The following AFG1L variants were observed in gnomAD, a reference collection of about 807,000 sequenced individuals.
The protein encoded by AFG1L is AFG1-like ATPase.
A neutral mutation model predicts 62.2 loss-of-function variants in AFG1L; 53 were observed. The ratio of observed to expected loss-of-function variants is 0.85; its 90% CI spans 0.68 to 1.07. The LOEUF (loss-of-function observed/expected upper bound fraction) is 1.07. Ranked by LOEUF, AFG1L falls within the 50% of genes least tolerant of loss-of-function variation. AFG1L has a pLI of 0.00. For synonymous variants in AFG1L, 228 were observed against 210.3 expected (o/e 1.08, Z -0.73); for missense variants, 555 against 590.5 (o/e 0.94, Z 0.62).
chr6:108,349,140 T>G (rs1047935242), intron 3 of AFG1L, among the ~76,000 whole-genome samples: 1 of 152,122 alleles, frequency 6.6e-6, no homozygotes, highest in African/African-American at 2.4e-5. Context: ...AAATGGGAAG[T>G]GAGACGAACA....
intron 6 of AFG1L, among the ~76,000 whole-genome samples, chr6:108,391,331 A>G (rs562810408): frequency 1.9e-3 from 295 of 152,180 alleles, no homozygotes; most frequent in African/African-American, 6.8e-3. Context: ...TTCTTGCAGG[A>G]GTAAGGTGGT....
chr6:108,365,156 A>G (rs1779702809), intron 5 of AFG1L, among the ~76,000 whole-genome samples: 1 of 152,198 alleles, frequency 6.6e-6, no homozygotes, highest in African/African-American at 2.4e-5. Context: ...TATCAAAGAA[A>G]GATCAAAACA....
intron 7 of AFG1L, among the ~76,000 whole-genome samples, chr6:108,433,635 C>T: frequency 6.6e-6 from 1 of 151,954 alleles, no homozygotes; most frequent in Non-Finnish European, 1.5e-5. Context: ...CTCTGTTGCC[C>T]AGGCTGGAGT....
At chr6:108,501,436 A>T (rs1177389246) in intron 10 of AFG1L, among the ~76,000 whole-genome samples, 1 of 152,254 alleles carries the variant, frequency 6.6e-6, no homozygotes, top group Non-Finnish European at 1.5e-5. Flanking sequence ...GAAGGAAGCT[A>T]GATGAAATTA....
intron 1 of AFG1L, among the ~76,000 whole-genome samples, chr6:108,298,179 C>G (rs1342175807): frequency 6.6e-6 from 1 of 151,410 alleles, no homozygotes; most frequent in East Asian, 1.9e-4. Context: ...ACATTAATAA[C>G]ATATTGTACC....
rs548796807 is a variant in AFG1L at position 108,401,605 on chromosome 6, A to G, written c.749-391A>G. On this transcript the variant is annotated intron_variant, in intron 6 of 12. Transcript: ENST00000368977. ...AAGTTCTTTACTAAGAATTTTCATT[A>G]TAGATTGAGAAAAGGAGAGAATTTT... Among the ~76,000 whole-genome samples the G allele has an allele frequency of 2.0e-5, 3 of 152,280 alleles. No homozygotes were observed. The East Asian group carries it at 5.8e-4, about 29-fold the overall frequency.
At chr6:108,355,585 A>G in intron 3 of AFG1L, 69 bp from the exon 4 acceptor site, 1 of 754,556 alleles carries the variant, frequency 1.3e-6, no homozygotes, top group Non-Finnish European at 2.1e-6. Flanking sequence ...CTCAAAGCTA[A>G]TGAACAATCA....
At chr6:108,477,502 A>G (rs186786176) in intron 10 of AFG1L, among the ~76,000 whole-genome samples, 333 of 152,346 alleles carry the variant, frequency 2.2e-3, no homozygotes, top group African/African-American at 7.7e-3. Flanking sequence ...CTCTAATGCA[A>G]AATTAGAAAT....
At chr6:108,414,951 T>C (rs1782294040) in intron 7 of AFG1L, among the ~76,000 whole-genome samples, 1 of 152,080 alleles carries the variant, frequency 6.6e-6, no homozygotes, top group Non-Finnish European at 1.5e-5. Flanking sequence ...AAATAAAGGG[T>C]ATTCAATTAG....
chr6:108,365,872 G>A (rs1779737058), intron 5 of AFG1L, among the ~76,000 whole-genome samples: 1 of 151,798 alleles, frequency 6.6e-6, no homozygotes, highest in African/African-American at 2.4e-5. Context: ...TTTTTTGAGG[G>A]GGTGTGGGAA....
At chr6:108,477,015 A>G in intron 9 of AFG1L, 80 bp downstream of exon 9, 1 of 1,268,172 alleles carries the variant, frequency 7.9e-7, no homozygotes, top group Non-Finnish European at 1.2e-6. Flanking sequence ...AATAAGTTCC[A>G]TTGCTGTATA....
chr6:108,437,766 T>C (rs964143398), intron 7 of AFG1L, among the ~76,000 whole-genome samples: 2 of 151,986 alleles, frequency 1.3e-5, no homozygotes, highest in African/African-American at 4.8e-5. Flanking sequence ...TAATTTGAGA[T>C]GGGAGGGAGA....
chr6:108,409,088 C>T (rs1311642771), intron 7 of AFG1L, among the ~76,000 whole-genome samples: 2 of 152,062 alleles, frequency 1.3e-5, no homozygotes, highest in Non-Finnish European at 2.9e-5. Context: ...AAGTATGATG[C>T]AAGGGTACAT....
chr6:108,522,443 A>G lies in AFG1L; in HGVS notation c.*18A>G, dbSNP rs1427323313. The G allele has an allele frequency of 8.7e-6, 14 of 1,602,832 alleles. No individual in the cohort carries two copies. The highest frequency in any genetic ancestry group is 1.2e-5 in the Non-Finnish European group (14 of 1,171,504). On this transcript the variant is annotated 3_prime_UTR_variant, in exon 13 of 13. Coordinates refer to ENST00000368977, the MANE Select transcript of AFG1L (RefSeq NM_145315.5). ...AGAAGTAACTGCCACTTTTGCATAA[A>G]TAAAACTCTAGACAAATGGTTAACG...
chr6:108,354,268 A>T (rs777547331), intron 3 of AFG1L, among the ~76,000 whole-genome samples: 1 of 151,944 alleles, frequency 6.6e-6, no homozygotes, highest in Non-Finnish European at 1.5e-5. Flanking sequence ...GTTCCAGTGG[A>T]TGCCTGAAAC....
chr6:108,395,466 A>G (rs1781254104), intron 6 of AFG1L, among the ~76,000 whole-genome samples: 1 of 136,404 alleles, frequency 7.3e-6, no homozygotes. Flanking sequence ...CAGTGGCACT[A>G]TCATGACTCA....
chr6:108,426,525 C>G (rs1770824220), intron 7 of AFG1L, among the ~76,000 whole-genome samples: 2 of 152,030 alleles, frequency 1.3e-5, no homozygotes. Flanking sequence ...TTCTTTTTCT[C>G]CCTAGGAATG....
chr6:108,308,128 G>A (rs1777274753), intron 1 of AFG1L, among the ~76,000 whole-genome samples: 1 of 152,010 alleles, frequency 6.6e-6, no homozygotes, highest in African/African-American at 2.4e-5. Context: ...TATCTTATAA[G>A]TGGTATAAGG....
chr6:108,388,572 C>T (rs1780881023), intron 6 of AFG1L, among the ~76,000 whole-genome samples: 1 of 152,140 alleles, frequency 6.6e-6, no homozygotes, highest in Non-Finnish European at 1.5e-5. Context: ...TTCTGGTATG[C>T]TGTGTCTTTG....
Sources: gnomAD v4.1 joint callset for allele counts (sites outside exome capture counted in the v4.1 genomes callset) on GRCh38, gnomAD v4.1.1 for gene constraint, MANE v1.5 for transcripts, NCBI Gene and HGNC (gene_info 2026-07-23, HGNC 2026-07-21) for gene names.